NBAS: variants seen among roughly 807,000 people sequenced by gnomAD.
NBAS encodes the protein NBAS subunit of NRZ tethering complex.
In NBAS, 219 loss-of-function variants were observed where a neutral mutation model predicts 302.5. The ratio of observed to expected loss-of-function variants is 0.72; its 90% confidence interval spans 0.65 to 0.81. The LOEUF (loss-of-function observed/expected upper bound fraction) is 0.81. Among genes scored for constraint, NBAS ranks in the 30% least tolerant of loss-of-function variants. The probability of loss-of-function intolerance (pLI) is 0.00; values close to 1 mark genes in which losing one functional copy is unlikely to be tolerated. For synonymous variants in NBAS, 1,118 were observed against 1,021.6 expected, an observed-to-expected ratio of 1.09 and a Z score of -1.80; for missense variants, 2,932 against 2,841.6, an observed-to-expected ratio of 1.03 and a Z score of -0.72.
chr2:15,207,896 A>G (rs1666220470), intron 48 of NBAS, among the ~76,000 whole-genome samples: 1 of 152,220 alleles, frequency 6.6e-6, no homozygotes, highest in Non-Finnish European at 1.5e-5. Flanking sequence ...ATAGTAACTA[A>G]CACAAAATTG....
the NBAS span, among the ~76,000 whole-genome samples, chr2:14,791,843 A>AATAAATAC: frequency 6.6e-6 from 1 of 151,536 alleles, no homozygotes; most frequent in Non-Finnish European, 1.5e-5. Context: ...TAAATAAATA[A>AATAAATAC]AATGGGCCTG....
the NBAS span, among the ~76,000 whole-genome samples, chr2:14,792,909 G>A: frequency 6.6e-6 from 1 of 152,080 alleles, no homozygotes; most frequent in Non-Finnish European, 1.5e-5. Flanking sequence ...ATTATATGGT[G>A]AGTCCTAACC....
the NBAS span, among the ~76,000 whole-genome samples, chr2:15,123,124 G>A: frequency 8.5e-5 from 13 of 152,278 alleles, no homozygotes; most frequent in South Asian, 1.2e-3. Flanking sequence ...GCAGGCTTTC[G>A]TTCTGGCTCC....
chr2:15,475,672 A>G lies in NBAS; in HGVS notation c.1341+15T>C, dbSNP rs1403945275. ...AATACATAACTATTCTCAAACAAAC[A>G]GGAAAAAGCCTTACCTCCAAACTTA... On this transcript the variant is annotated intron_variant, in intron 14 of 51. Coordinates refer to ENST00000281513, the MANE Select transcript of NBAS (RefSeq NM_015909.4). 1 of 1,613,272 alleles carries G rather than the reference A, an allele frequency of 6.2e-7. No individual in the cohort carries two copies. Among genetic ancestry groups the G allele is most frequent in the East Asian group, 2.2e-5 (1 of 44,836 alleles).
chr2:14,793,161 A>G, the NBAS span, among the ~76,000 whole-genome samples: 2 of 152,122 alleles, frequency 1.3e-5, no homozygotes, highest in South Asian at 2.1e-4. Flanking sequence ...GATTCACCAG[A>G]AAATCAGTCA....
At chr2:15,353,838 A>C (rs1558264002) in intron 33 of NBAS, 128 bp from the exon 34 acceptor site, 1 of 1,102,698 alleles carries the variant, frequency 9.1e-7, no homozygotes. Context: ...TTAGTGACAC[A>C]TTATTTTATA....
At chr2:14,942,904 G>T in the NBAS span, among the ~76,000 whole-genome samples, 19 of 152,164 alleles carry the variant, frequency 1.2e-4, no homozygotes, top group African/African-American at 4.6e-4. Flanking sequence ...ATAATAAAAG[G>T]CAAGACCTGG....
chr2:14,901,461 TA>T, the NBAS span, among the ~76,000 whole-genome samples: 1 of 149,982 alleles, frequency 6.7e-6, no homozygotes, highest in Admixed American at 6.6e-5. Flanking sequence ...ATCGGAAGGG[TA>T]ATTTTTTAAG....
chr2:15,168,886 C>A (rs1214269334), intron 51 of NBAS, among the ~76,000 whole-genome samples: 1 of 152,204 alleles, frequency 6.6e-6, no homozygotes, highest in Non-Finnish European at 1.5e-5. Flanking sequence ...ACTTTGGCCT[C>A]CCAAAGGGCT....
At chr2:15,009,818 T>C in the NBAS span, among the ~76,000 whole-genome samples, 3 of 151,576 alleles carry the variant, frequency 2.0e-5, no homozygotes, top group South Asian at 6.3e-4. Context: ...CACAGGACCA[T>C]GCAATGTGGA....
chr2:15,165,132 CTG>C (rs1156407263), downstream of NBAS, among the ~76,000 whole-genome samples: 2 of 152,236 alleles, frequency 1.3e-5, no homozygotes, highest in Non-Finnish European at 2.9e-5. Context: ...TTATAACAGA[CTG>C]TGTTTCTCAG....
intron 37 of NBAS, 101 bp downstream of exon 37, chr2:15,328,098 C>A (rs1672157929): frequency 7.8e-7 from 1 of 1,276,758 alleles, no homozygotes; most frequent in Non-Finnish European, 1.1e-6. Flanking sequence ...GAGTAAGAAC[C>A]AAGACAAATA....
intron 44 of NBAS, among the ~76,000 whole-genome samples, chr2:15,274,578 G>A (rs1669482710): frequency 6.6e-6 from 1 of 152,042 alleles, no homozygotes; most frequent in Non-Finnish European, 1.5e-5. Context: ...AGGTGAGGGG[G>A]CAGGAAAGGG....
At chr2:15,506,088 A>C (rs1661835515) in intron 10 of NBAS, among the ~76,000 whole-genome samples, 1 of 152,088 alleles carries the variant, frequency 6.6e-6, no homozygotes, top group Non-Finnish European at 1.5e-5. Context: ...AAAGGAAATG[A>C]GATAAAAGGG....
chr2:15,441,787 G>T (rs902231902), intron 21 of NBAS, among the ~76,000 whole-genome samples: 1 of 152,056 alleles, frequency 6.6e-6, no homozygotes, highest in African/African-American at 2.4e-5. Context: ...ACAAACATAG[G>T]CTCAAAATAA....
chr2:15,529,711 C>T (rs1282263087), intron 9 of NBAS, among the ~76,000 whole-genome samples: 1 of 152,068 alleles, frequency 6.6e-6, no homozygotes, highest in Non-Finnish European at 1.5e-5. Flanking sequence ...AAGAACTGAG[C>T]ATGTCACAGC....
intron 47 of NBAS, among the ~76,000 whole-genome samples, chr2:15,231,467 C>T (rs1380767467): frequency 6.6e-6 from 1 of 152,280 alleles, no homozygotes; most frequent in South Asian, 2.1e-4. Context: ...TTCTATTTCC[C>T]AGCTGTATGA....
At chr2:15,192,787 C>T (rs546604338) in intron 48 of NBAS, among the ~76,000 whole-genome samples, 12 of 152,122 alleles carry the variant, frequency 7.9e-5, no homozygotes, top group Non-Finnish European at 1.8e-4. Context: ...CTAGCAGTGT[C>T]AATATTCCAA....
At chr2:15,434,382 G>T (rs2148497621) in intron 21 of NBAS, among the ~76,000 whole-genome samples, 1 of 152,214 alleles carries the variant, frequency 6.6e-6, no homozygotes, top group Non-Finnish European at 1.5e-5. Flanking sequence ...TTTTGAATAA[G>T]AGACACTGAA....
Sources: gnomAD v4.1 joint callset for allele counts (sites outside exome capture counted in the v4.1 genomes callset) on GRCh38, gnomAD v4.1.1 for gene constraint, MANE v1.5 for transcripts, NCBI Gene and HGNC (gene_info 2026-07-23, HGNC 2026-07-21) for gene names.